RYR2: variants seen among roughly 807,000 people sequenced by gnomAD.
RYR2 encodes the protein ryanodine receptor 2.
RYR2 carries 227 observed loss-of-function variants against 601.1 expected under a neutral mutation model. That is an observed-to-expected ratio of 0.38 (90% CI 0.34 to 0.42). The LOEUF (loss-of-function observed/expected upper bound fraction) is 0.42. RYR2 is among the 10% of genes least tolerant of loss of function. RYR2 has a pLI of 1.00. For missense variants in RYR2, 4,646 were observed against 6,156.5 expected (o/e 0.75, Z 8.21); for synonymous variants, 2,223 against 2,175.1 (o/e 1.02, Z -0.61).
At chr1:237,510,392 T>C (rs557808374) in intron 23 of RYR2, among the ~76,000 whole-genome samples, 2 of 152,318 alleles carry the variant, frequency 1.3e-5, no homozygotes, top group Non-Finnish European at 2.9e-5. Flanking sequence ...AGGGAGATTA[T>C]TTGTGGGTTC....
chr1:237,369,414 T>G, intron 5 of RYR2, 120 bp from the exon 6 acceptor site: 1 of 834,932 alleles, frequency 1.2e-6, no homozygotes, highest in Non-Finnish European at 2.0e-6. Flanking sequence ...CTGCAAGAGC[T>G]CTTAATACAT....
chr1:237,274,997 C>G lies in RYR2; in HGVS notation c.168+4381C>G, dbSNP rs187109024. ...TGATGTACACATAATGATAAGATCA[C>G]CTGATGACACATTTCTAGCATGTGT... On this transcript the variant is annotated intron_variant, in intron 2 of 104. Transcript: ENST00000366574. Among the ~76,000 whole-genome samples the G allele has an allele frequency of 1.4e-4, 21 of 151,944 alleles. No individual in the cohort carries two copies. In the East Asian group the frequency reaches 3.5e-3, roughly 25 times the overall value.
intron 37 of RYR2, among the ~76,000 whole-genome samples, chr1:237,615,979 C>A (rs1467778329): frequency 3.3e-5 from 5 of 151,454 alleles, no homozygotes; most frequent in African/African-American, 1.2e-4. Flanking sequence ...AATAGCCCAG[C>A]AAAGGTCCTG....
At chr1:237,500,109 G>T (rs138476546) in intron 20 of RYR2, among the ~76,000 whole-genome samples, 12 of 152,012 alleles carry the variant, frequency 7.9e-5, no homozygotes, top group African/African-American at 2.9e-4. Flanking sequence ...AATAAGCAAC[G>T]TGCTGCAGGA....
At chr1:237,671,986 A>G (rs1018185769) in intron 58 of RYR2, among the ~76,000 whole-genome samples, 3 of 152,078 alleles carry the variant, frequency 2.0e-5, no homozygotes, top group African/African-American at 4.8e-5. Flanking sequence ...ATGTTTGGTA[A>G]TATCCTCAGA....
At chr1:237,079,970 T>A in intron 1 of RYR2, among the ~76,000 whole-genome samples, 1 of 42,754 alleles carries the variant, frequency 2.3e-5, no homozygotes, top group Non-Finnish European at 4.3e-5. Context: ...TCAGAAATAA[T>A]GCCGCATATC....
intron 3 of RYR2, among the ~76,000 whole-genome samples, chr1:237,331,248 G>C (rs1046094763): frequency 6.6e-6 from 1 of 151,946 alleles, no homozygotes; most frequent in Admixed American, 6.6e-5. Context: ...TTCTTTGAGC[G>C]TTTCTGTGTT....
At chr1:237,364,209 G>A (rs984669658) in intron 4 of RYR2, 149 bp from the exon 5 acceptor site, 9 of 595,656 alleles carry the variant, frequency 1.5e-5, no homozygotes, top group African/African-American at 5.8e-5. Flanking sequence ...GTTTTGTTGC[G>A]ATAACATGGT....
chr1:237,311,775 G>A (rs550843090), intron 2 of RYR2, among the ~76,000 whole-genome samples: 6 of 152,052 alleles, frequency 3.9e-5, no homozygotes, highest in Admixed American at 2.0e-4. Context: ...CACCATTGTC[G>A]GGACTGAAAA....
chr1:237,526,372 G>C (rs1667595849), intron 24 of RYR2, among the ~76,000 whole-genome samples: 1 of 150,758 alleles, frequency 6.6e-6, no homozygotes. Context: ...TTCAGGACCA[G>C]AGTCTCACTC....
intron 100 of RYR2, among the ~76,000 whole-genome samples, chr1:237,818,124 G>A (rs1662044832): frequency 6.6e-6 from 1 of 152,154 alleles, no homozygotes; most frequent in Admixed American, 6.5e-5. Flanking sequence ...CCTGAAAAAG[G>A]AGTTGGAACT....
At chr1:237,176,067 G>C (rs973444291) in intron 1 of RYR2, among the ~76,000 whole-genome samples, 1 of 151,390 alleles carries the variant, frequency 6.6e-6, no homozygotes, top group Non-Finnish European at 1.5e-5. Flanking sequence ...CCTTATCTCT[G>C]CAAAAAAATC....
Position 237,775,075 on chromosome 1 carries a change from CAAAAAAA to C in RYR2, c.11775+1441_11775+1447del, listed in dbSNP as rs5781992. 1.2e-3 allele frequency among the ~76,000 whole-genome samples: 111 copies of C among 90,450 alleles called. 1 individual carries two copies. The highest frequency in any genetic ancestry group is 0.014 in the Middle Eastern group (2 of 138). The allele number at this position is 90,450 out of a possible 152,430, so 59.3% of individuals were successfully genotyped here. A position where few individuals can be genotyped will look rare whatever the true frequency, so the allele number is the denominator to read the frequency against. On this transcript the variant is annotated intron_variant, in intron 87 of 104. Coordinates refer to ENST00000366574, the MANE Select transcript of RYR2 (RefSeq NM_001035.3). ...TTATTGTGCTTGGTTCAATAAGAAC[CAAAAAAA>C]AAAAAAAAAAAAACAGAAGTAACAA...
intron 3 of RYR2, among the ~76,000 whole-genome samples, chr1:237,350,390 G>A (rs1488838142): frequency 6.6e-6 from 1 of 150,672 alleles, no homozygotes; most frequent in Non-Finnish European, 1.5e-5. Flanking sequence ...ACCAACGTGG[G>A]GAAACTCTGT....
chr1:237,206,968 T>C (rs1413590800), intron 1 of RYR2, among the ~76,000 whole-genome samples: 1 of 152,198 alleles, frequency 6.6e-6, no homozygotes, highest in Non-Finnish European at 1.5e-5. Flanking sequence ...TAACGGGCTA[T>C]AGAACAAAAT....
chr1:237,746,136 TGTA>T (rs900252873), intron 80 of RYR2, among the ~76,000 whole-genome samples: 36 of 152,320 alleles, frequency 2.4e-4, no homozygotes, highest in Admixed American at 7.8e-4. Flanking sequence ...TGTTTATAAA[TGTA>T]GTAATCTACC....
At position 237,408,450 on chromosome 1, in the gene RYR2, A is replaced by G. The variant is rs140326588; in HGVS notation, c.774-8599A>G. On this transcript the variant is annotated intron_variant, in intron 10 of 104. Coordinates refer to ENST00000366574, the MANE Select transcript of RYR2 (RefSeq NM_001035.3). The stretch of plus-strand genomic sequence containing the variant: ...TCAGTACTATTTGGGGAGAATGTCC[A>G]TTGACTTACTGATTCTTTGTTAGAG... 8.1e-3 allele frequency among the ~76,000 whole-genome samples: 1,157 copies of G among 142,748 alleles called. 25 individuals carry two copies. The highest frequency in any genetic ancestry group is 0.031 in the African/African-American group (1,110 of 35,672). 93.6% of individuals were successfully genotyped at this position (142,748 alleles called of 152,430 possible). A position where few individuals can be genotyped will look rare whatever the true frequency, so the allele number is the denominator to read the frequency against.
intron 2 of RYR2, among the ~76,000 whole-genome samples, chr1:237,303,203 GA>G (rs778306662): frequency 2.0e-5 from 3 of 150,148 alleles, no homozygotes; most frequent in Admixed American, 6.6e-5. Context: ...CAGTTTTCCT[GA>G]TAACATATTG....
chr1:237,620,393 A>T (rs1431480198), intron 38 of RYR2, among the ~76,000 whole-genome samples: 2 of 152,158 alleles, frequency 1.3e-5, no homozygotes, highest in Non-Finnish European at 2.9e-5. Context: ...TTGTTCAAGT[A>T]ATGCATAGCA....
Sources: gnomAD v4.1 joint callset for allele counts (sites outside exome capture counted in the v4.1 genomes callset) on GRCh38, gnomAD v4.1.1 for gene constraint, MANE v1.5 for transcripts, NCBI Gene and HGNC (gene_info 2026-07-23, HGNC 2026-07-21) for gene names.